DCDC1: variants seen among roughly 807,000 people sequenced by gnomAD.
The protein encoded by DCDC1 is doublecortin domain-containing protein 1.
DCDC1 carries 200 observed loss-of-function variants against 178.3 expected under a neutral mutation model. The observed-to-expected ratio is 1.12, with a 90% CI of 1.00 to 1.26. The LOEUF (loss-of-function observed/expected upper bound fraction) is 1.26. Among genes scored for constraint, DCDC1 ranks in the 50% most tolerant of loss-of-function variants. DCDC1 has a pLI of 0.00. For synonymous variants in DCDC1, 690 were observed against 604.8 expected (o/e 1.14, Z -2.07); for missense variants, 1,983 against 1,749.2 (o/e 1.13, Z -2.38).
At chr11:31,359,203 G>A (rs1046553062) in intron 1 of DCDC1, among the ~76,000 whole-genome samples, 2 of 152,090 alleles carry the variant, frequency 1.3e-5, no homozygotes, top group Admixed American at 1.3e-4. Context: ...AACAATGATA[G>A]ACTGGATTAA....
chr11:31,119,578 T>C (rs1269258601), intron 11 of DCDC1, among the ~76,000 whole-genome samples: 1 of 152,224 alleles, frequency 6.6e-6, no homozygotes, highest in African/African-American at 2.4e-5. Context: ...TGTCACACTT[T>C]CATGTGCAAC....
At chr11:31,342,795 A>G (rs925823482) in intron 1 of DCDC1, among the ~76,000 whole-genome samples, 2 of 152,218 alleles carry the variant, frequency 1.3e-5, no homozygotes, top group African/African-American at 4.8e-5. Context: ...TGGTGTGTTT[A>G]TGATATAATC....
rs1356397277 is a variant in DCDC1, at chr11:30,864,928, A to G, written c.*445T>C. The G allele has an allele frequency of 6.6e-6, 1 of 152,202 alleles. No homozygotes were observed. 9.4% of individuals were successfully genotyped at this position (152,202 alleles called of 1,614,324 possible). On this transcript the variant is annotated 3_prime_UTR_variant, in exon 39 of 39. Coordinates refer to ENST00000684477, the MANE Select transcript of DCDC1 (RefSeq NM_001387274.1). Reference sequence around the variant, plus strand: ...TTCATTCTTCAAAATAGGCCCATTGAAAAAACTGAGTTATTTTGAAGGATA... The same window carrying G: ...TTCATTCTTCAAAATAGGCCCATTGGAAAAACTGAGTTATTTTGAAGGATA...
intron 6 of DCDC1, among the ~76,000 whole-genome samples, chr11:31,302,560 C>T (rs992690834): frequency 6.6e-6 from 1 of 152,050 alleles, no homozygotes; most frequent in Non-Finnish European, 1.5e-5. Flanking sequence ...TTTCCATACA[C>T]AATTAATATT....
At chr11:30,962,619 T>C (rs1487185428) in intron 20 of DCDC1, among the ~76,000 whole-genome samples, 1 of 152,106 alleles carries the variant, frequency 6.6e-6, no homozygotes, top group Non-Finnish European at 1.5e-5. Flanking sequence ...TGGAAACATA[T>C]GGTACATTAA....
intron 20 of DCDC1, among the ~76,000 whole-genome samples, chr11:31,037,010 G>C (rs1375039698): frequency 6.6e-6 from 1 of 152,148 alleles, no homozygotes; most frequent in East Asian, 1.9e-4. Context: ...TAACTCCTAA[G>C]TCATCAGCCA....
intron 2 of DCDC1, among the ~76,000 whole-genome samples, chr11:31,332,284 G>A (rs1449461404): frequency 6.6e-6 from 1 of 151,852 alleles, no homozygotes; most frequent in Non-Finnish European, 1.5e-5. Flanking sequence ...TTCTTTATCA[G>A]TCTTGCTAGC....
chr11:31,199,226 C>T (rs1220913924), intron 9 of DCDC1, among the ~76,000 whole-genome samples: 1 of 152,032 alleles, frequency 6.6e-6, no homozygotes, highest in African/African-American at 2.4e-5. Context: ...CCTGGAAAAG[C>T]CTCTTGAGTA....
At chr11:30,997,675 C>A (rs1018712486) in intron 20 of DCDC1, among the ~76,000 whole-genome samples, 2 of 152,128 alleles carry the variant, frequency 1.3e-5, no homozygotes, top group Non-Finnish European at 2.9e-5. Flanking sequence ...AGCCTGGCTT[C>A]TCGCTATCAG....
chr11:30,978,618 T>C (rs985522062), intron 20 of DCDC1, among the ~76,000 whole-genome samples: 1 of 152,174 alleles, frequency 6.6e-6, no homozygotes, highest in Non-Finnish European at 1.5e-5. Flanking sequence ...TTCTATGTGT[T>C]GATAACATTT....
chr11:31,121,369 G>A (rs1400101517), intron 11 of DCDC1, among the ~76,000 whole-genome samples: 2 of 148,990 alleles, frequency 1.3e-5, no homozygotes, highest in African/African-American at 5.0e-5. Flanking sequence ...TTTAAACAAG[G>A]AACTTTCCTA....
intron 21 of DCDC1, among the ~76,000 whole-genome samples, chr11:30,941,864 TATAA>T (rs1947668686): frequency 6.6e-6 from 1 of 152,326 alleles, no homozygotes; most frequent in Middle Eastern, 3.4e-3. Context: ...AGAAAAGCAG[TATAA>T]ATAAGTGTTT....
chr11:31,290,517 T>C, intron 7 of DCDC1, 130 bp downstream of exon 7: 1 of 966,336 alleles, frequency 1.0e-6, no homozygotes, highest in Non-Finnish European at 1.5e-6. Flanking sequence ...CAGAATTTTT[T>C]AGTTCTATAT....
At chr11:31,321,556 G>C (rs1949357093) in intron 3 of DCDC1, among the ~76,000 whole-genome samples, 1 of 152,096 alleles carries the variant, frequency 6.6e-6, no homozygotes, top group Non-Finnish European at 1.5e-5. Flanking sequence ...CCACTGTCTT[G>C]CACTCCCTAG....
chr11:31,031,305 T>C (rs1481129554), intron 20 of DCDC1, among the ~76,000 whole-genome samples: 1 of 152,184 alleles, frequency 6.6e-6, no homozygotes, highest in Non-Finnish European at 1.5e-5. Context: ...TTTTCATTAC[T>C]GACTTCTCAA....
At chr11:31,259,238 C>T (rs185228232) in intron 8 of DCDC1, among the ~76,000 whole-genome samples, 2 of 151,978 alleles carry the variant, frequency 1.3e-5, no homozygotes, top group African/African-American at 2.4e-5. Flanking sequence ...CTGTAATCCA[C>T]GCTATTCGGG....
intron 12 of DCDC1, among the ~76,000 whole-genome samples, chr11:31,108,398 A>G (rs1958989643): frequency 6.6e-6 from 1 of 152,216 alleles, no homozygotes; most frequent in Admixed American, 6.5e-5. Flanking sequence ...TTTGAAATCT[A>G]TAGATTGTAT....
chr11:31,007,945 G>T (rs981567761), intron 20 of DCDC1, among the ~76,000 whole-genome samples: 7 of 152,128 alleles, frequency 4.6e-5, no homozygotes, highest in Admixed American at 2.0e-4. Flanking sequence ...TTACAGGTGT[G>T]AGCCACCGTG....
chr11:31,217,179 A>C (rs2136629860), intron 9 of DCDC1, among the ~76,000 whole-genome samples: 1 of 152,298 alleles, frequency 6.6e-6, no homozygotes, highest in East Asian at 1.9e-4. Context: ...AAGTGTCAAA[A>C]GCAAGCTGTC....
Sources: allele counts gnomAD v4.1 joint callset (sites outside exome capture counted in the v4.1 genomes callset), GRCh38; gene constraint gnomAD v4.1.1; transcripts MANE v1.5; gene names NCBI Gene and HGNC (gene_info 2026-07-23, HGNC 2026-07-21).